The following BAZ2B variants were observed in gnomAD, a reference collection of about 807,000 sequenced individuals.
The protein encoded by BAZ2B is bromodomain adjacent to zinc finger domain 2B, also known as bromodomain adjacent to zinc finger domain protein 2B.
BAZ2B carries 91 observed loss-of-function variants against 246.0 expected under a neutral mutation model. The ratio of observed to expected loss-of-function variants is 0.37; its 90% CI spans 0.31 to 0.44. The LOEUF (loss-of-function observed/expected upper bound fraction) is 0.44, where lower values mean the gene tolerates loss of function less well. BAZ2B is among the 20% of genes least tolerant of loss of function. The pLI, the probability that BAZ2B is intolerant of heterozygous loss-of-function variation, is 1.00. For synonymous variants in BAZ2B, 855 were observed against 860.0 expected (o/e 0.99, Z 0.10); for missense variants, 2,332 against 2,533.7 (o/e 0.92, Z 1.71).
chr2:159,608,748 A>G (rs1320254231), intron 1 of BAZ2B, among the ~76,000 whole-genome samples: 2 of 152,234 alleles, frequency 1.3e-5, no homozygotes, highest in Non-Finnish European at 2.9e-5. Flanking sequence ...ACAATGCATC[A>G]TCCTTTAATA....
intron 36 of BAZ2B, among the ~76,000 whole-genome samples, chr2:159,322,724 T>C (rs562618158): frequency 7.2e-5 from 11 of 152,174 alleles, no homozygotes; most frequent in Non-Finnish European, 1.2e-4. Flanking sequence ...GAAAAATTCA[T>C]GTAAGTAGGC....
chr2:159,329,177 A>C (rs1455205666), intron 34 of BAZ2B, among the ~76,000 whole-genome samples: 1 of 151,410 alleles, frequency 6.6e-6, no homozygotes, highest in Non-Finnish European at 1.5e-5. Flanking sequence ...AAAAAATCCA[A>C]CCCCCTCATA....
At chr2:159,472,739 T>A (rs1360361918) in intron 3 of BAZ2B, among the ~76,000 whole-genome samples, 1 of 152,226 alleles carries the variant, frequency 6.6e-6, no homozygotes, top group Non-Finnish European at 1.5e-5. Flanking sequence ...TCTATTGAAA[T>A]AATCGTGTGG....
At chr2:159,569,767 G>C (rs1683502986) in intron 1 of BAZ2B, among the ~76,000 whole-genome samples, 1 of 152,014 alleles carries the variant, frequency 6.6e-6, no homozygotes, top group African/African-American at 2.4e-5. Flanking sequence ...TGAGACAGCA[G>C]TGAGCTATGA....
chr2:159,687,068 G>C, the BAZ2B span, among the ~76,000 whole-genome samples: 2 of 145,808 alleles, frequency 1.4e-5, no homozygotes, highest in African/African-American at 5.0e-5. Context: ...AGGCACCATA[G>C]TAATTGAAAA....
the BAZ2B span, among the ~76,000 whole-genome samples, chr2:159,708,160 G>A: frequency 6.6e-6 from 1 of 152,082 alleles, no homozygotes; most frequent in East Asian, 1.9e-4. Flanking sequence ...CCACACTGTG[G>A]TGGCACACCT....
At chr2:159,409,504 A>C (rs2066491521) in intron 14 of BAZ2B, among the ~76,000 whole-genome samples, 1 of 152,304 alleles carries the variant, frequency 6.6e-6, no homozygotes, top group South Asian at 2.1e-4. Context: ...TAGAGTTCTC[A>C]TTTCACAACG....
the BAZ2B span, among the ~76,000 whole-genome samples, chr2:159,697,192 A>G: frequency 6.6e-6 from 1 of 150,904 alleles, no homozygotes; most frequent in Non-Finnish European, 1.5e-5. Context: ...ATCTTTTAAT[A>G]GTTTTGTAAA....
chr2:159,529,680 A>C (rs911747735), intron 2 of BAZ2B, among the ~76,000 whole-genome samples: 76 of 152,196 alleles, frequency 5.0e-4, no homozygotes, highest in African/African-American at 1.8e-3. Flanking sequence ...CTAATATACT[A>C]CATACAACTT....
the BAZ2B span, among the ~76,000 whole-genome samples, chr2:159,668,852 T>C: frequency 6.6e-6 from 1 of 152,100 alleles, no homozygotes; most frequent in African/African-American, 2.4e-5. Context: ...AGATCAGGAA[T>C]TTGAGACCAG....
At chr2:159,580,565 C>T (rs1225837174) in intron 1 of BAZ2B, among the ~76,000 whole-genome samples, 7 of 152,186 alleles carry the variant, frequency 4.6e-5, no homozygotes, top group Admixed American at 1.3e-4. Flanking sequence ...GAAAAAACTA[C>T]TTTAAAGTTC....
intron 13 of BAZ2B, among the ~76,000 whole-genome samples, chr2:159,415,976 G>C (rs1225924040): frequency 6.6e-6 from 1 of 152,108 alleles, no homozygotes; most frequent in Non-Finnish European, 1.5e-5. Context: ...AGGTTGAATA[G>C]ACAGCAAAGA....
intron 2 of BAZ2B, among the ~76,000 whole-genome samples, chr2:159,492,229 A>G (rs558095808): frequency 1.3e-5 from 2 of 152,260 alleles, no homozygotes; most frequent in African/African-American, 4.8e-5. Flanking sequence ...CCATAATTGC[A>G]TATCAAATCC....
intron 3 of BAZ2B, chr2:159,462,807 C>T: frequency 6.8e-7 from 1 of 1,460,604 alleles, no homozygotes; most frequent in Non-Finnish European, 9.6e-7. Flanking sequence ...GTCTGTTGCC[C>T]ATCGATAGTT....
At chr2:159,475,635 C>G (rs1227337074) in intron 3 of BAZ2B, among the ~76,000 whole-genome samples, 2 of 152,096 alleles carry the variant, frequency 1.3e-5, no homozygotes, top group African/African-American at 4.8e-5. Context: ...AAGAGGTGTT[C>G]CGGTTTTTGG....
the BAZ2B span, among the ~76,000 whole-genome samples, chr2:159,706,933 T>C: frequency 6.6e-6 from 1 of 152,190 alleles, no homozygotes; most frequent in Non-Finnish European, 1.5e-5. Flanking sequence ...AACTGAAGTT[T>C]CCTAGAAAAG....
At chr2:159,510,910 G>A (rs1204459330) in intron 2 of BAZ2B, among the ~76,000 whole-genome samples, 1 of 151,506 alleles carries the variant, frequency 6.6e-6, no homozygotes, top group Non-Finnish European at 1.5e-5. Flanking sequence ...TGACATCTCT[G>A]GTTTTTTTAA....
chr2:159,613,199 G>A (rs919756627), intron 1 of BAZ2B, among the ~76,000 whole-genome samples: 61 of 151,988 alleles, frequency 4.0e-4, no homozygotes, highest in African/African-American at 1.4e-3. Context: ...CATTTAATAA[G>A]TATTTCATAA....
At chr2:159,380,288 T>A (rs1183040183) in intron 25 of BAZ2B, among the ~76,000 whole-genome samples, 3 of 152,176 alleles carry the variant, frequency 2.0e-5, no homozygotes, top group Non-Finnish European at 4.4e-5. Context: ...CTTGAAATAG[T>A]CATCTTCATT....
Sources: gnomAD v4.1 joint callset for allele counts (sites outside exome capture counted in the v4.1 genomes callset) on GRCh38, gnomAD v4.1.1 for gene constraint, MANE v1.5 for transcripts, NCBI Gene and HGNC (gene_info 2026-07-23, HGNC 2026-07-21) for gene names.